ZFP90: variants seen among roughly 807,000 people sequenced by gnomAD.
The protein encoded by ZFP90 is ZFP90 zinc finger protein.
Under a neutral mutation model 60.8 loss-of-function variants are expected in ZFP90, and 38 were observed. That is an observed-to-expected ratio of 0.62 (90% CI 0.48 to 0.82). The LOEUF is 0.82. ZFP90 is among the 40% of genes least tolerant of loss of function. ZFP90 has a pLI of 0.00. For synonymous variants in ZFP90, 287 were observed against 264.8 expected (o/e 1.08, Z -0.82); for missense variants, 711 against 759.1 (o/e 0.94, Z 0.74).
At chr16:68,539,853 G>GCATCCCATCCATCTATC in intron 2 of ZFP90, 28 bp downstream of exon 2, 3 of 1,603,140 alleles carry the variant, frequency 1.9e-6, no homozygotes, top group Non-Finnish European at 2.5e-6. Context: ...AACCTCCTGG[G>GCATCCCATCCATCTATC]CATCCCATCC....
At chr16:68,568,893 G>C (rs1363071425), downstream of ZFP90, among the ~76,000 whole-genome samples, 1 of 152,148 alleles carries the variant, frequency 6.6e-6, no homozygotes, top group Non-Finnish European at 1.5e-5. Context: ...TGGCCAGGCT[G>C]GTTTCGAACT....
intron 4 of ZFP90, 29 bp from the exon 5 acceptor site, chr16:68,563,015 G>A: frequency 1.2e-6 from 2 of 1,613,062 alleles, no homozygotes; most frequent in Non-Finnish European, 1.7e-6. Flanking sequence ...GAAGGAATAG[G>A]GGACTTTTGT....
chr16:68,568,107 T>C (rs1597758327), downstream of ZFP90, among the ~76,000 whole-genome samples: 1 of 152,226 alleles, frequency 6.6e-6, no homozygotes, highest in East Asian at 1.9e-4. Flanking sequence ...GTTACCACAG[T>C]TTGTATTTGT....
Position 68,564,916 on chromosome 16 carries a change from G to A in ZFP90, c.*218G>A. 2 of 1,313,210 alleles carry A rather than the reference G, an allele frequency of 1.5e-6. No homozygotes were observed. The highest frequency in any genetic ancestry group is 1.5e-5 in the African/African-American group (1 of 66,132). The allele number at this position is 1,313,210 out of a possible 1,614,324, so 81.3% of individuals were successfully genotyped here. On this transcript the variant is annotated 3_prime_UTR_variant, in exon 5 of 5. Transcript: ENST00000563169. ...GTGTAAAAACAGCTACATGTATGTA[G>A]CTGGTTGGGGATGATATGCCTGTAT...
chr16:68,560,573 T>G (rs893451576), intron 4 of ZFP90, among the ~76,000 whole-genome samples: 2 of 135,088 alleles, frequency 1.5e-5, no homozygotes, highest in African/African-American at 5.2e-5. Context: ...TTATTTATTT[T>G]GAGACAGAAT....
intron 2 of ZFP90, among the ~76,000 whole-genome samples, chr16:68,572,410 T>C (rs1450207046): frequency 6.6e-6 from 1 of 152,194 alleles, no homozygotes; most frequent in Admixed American, 6.5e-5. Flanking sequence ...CAGGGACTTT[T>C]CTGTTGGCTT....
chr16:68,555,500 C>T (rs1300566368), intron 2 of ZFP90, among the ~76,000 whole-genome samples: 1 of 152,160 alleles, frequency 6.6e-6, no homozygotes, highest in Non-Finnish European at 1.5e-5. Context: ...ATTCAAATGT[C>T]ATCCATCTCC....
At chr16:68,550,210 T>G (rs999128733) in intron 2 of ZFP90, among the ~76,000 whole-genome samples, 8 of 152,204 alleles carry the variant, frequency 5.3e-5, no homozygotes, top group Non-Finnish European at 7.3e-5. Context: ...TAATGAGGCA[T>G]TTTACATTCT....
At chr16:68,538,025 G>A (rs1206365102), upstream of ZFP90, among the ~76,000 whole-genome samples, 3 of 152,128 alleles carry the variant, frequency 2.0e-5, no homozygotes, top group East Asian at 5.8e-4. Context: ...CGATTCTCCT[G>A]CCTCAGCTTT....
In ZFP90 at chr16:68,565,033, A is replaced by G. The variant is rs1168775184; in HGVS notation, c.*335A>G. 9 of 1,034,782 alleles carry G rather than the reference A, an allele frequency of 8.7e-6. No homozygotes were observed. Among genetic ancestry groups the G allele is most frequent in the Non-Finnish European group, 1.0e-5 (9 of 862,652 alleles). The allele number at this position is 1,034,782 out of a possible 1,614,324, so 64.1% of individuals were successfully genotyped here. On this transcript the variant is annotated 3_prime_UTR_variant, in exon 5 of 5. Coordinates refer to ENST00000563169, the MANE Select transcript of ZFP90 (RefSeq NM_001305203.2). ...CCCCAATGTCAACAGCTTTTTTAAA[A>G]AGCAAATTCCTGCAGTAATGACCAA...
At position 68,539,456 on chromosome 16, in the gene ZFP90, G is replaced by T; in HGVS notation, c.-59G>T. 1 of 374,104 alleles carries T rather than the reference G, an allele frequency of 2.7e-6. No individual in the cohort carries two copies. The highest frequency in any genetic ancestry group is 4.8e-6 in the Non-Finnish European group (1 of 208,680). The allele number at this position is 374,104 out of a possible 1,614,324, so 23.2% of individuals were successfully genotyped here. ...TGGGCCGGAGGTCGCGAAATCCGGA[G>T]CCCCCCAGAGGCGGTGATTCTGAGT... On this transcript the variant is annotated 5_prime_UTR_variant, in exon 1 of 5. Coordinates refer to ENST00000563169, the MANE Select transcript of ZFP90 (RefSeq NM_001305203.2).
At chr16:68,574,597 A>G (rs1311925439) in intron 2 of ZFP90, among the ~76,000 whole-genome samples, 1 of 152,122 alleles carries the variant, frequency 6.6e-6, no homozygotes, top group African/African-American at 2.4e-5. Flanking sequence ...TAGCACTCAA[A>G]TCTGCTTTTG....
intron 2 of ZFP90, among the ~76,000 whole-genome samples, chr16:68,551,878 C>G (rs537600935): frequency 2.6e-5 from 4 of 152,312 alleles, no homozygotes; most frequent in Admixed American, 2.6e-4. Context: ...CCTGCCTCAG[C>G]CTCCTCAGTA....
At position 68,539,306 on chromosome 16, in the gene ZFP90, C is replaced by T. The variant is rs769643437; in HGVS notation, c.-209C>T. On this transcript the variant is annotated 5_prime_UTR_variant, in exon 1 of 5. Coordinates refer to ENST00000563169, the MANE Select transcript of ZFP90 (RefSeq NM_001305203.2). ...GCGCAGGCGCACTTCCAGTTCTGCC[C>T]CACCGCTGCGGCCATTGTCCGACCC... 2.8e-4 allele frequency: 45 copies of T among 162,012 alleles called. No individual in the cohort carries two copies. The highest frequency in any genetic ancestry group is 6.0e-4 in the South Asian group (3 of 4,974). The allele number at this position is 162,012 out of a possible 1,614,324, so 10.0% of individuals were successfully genotyped here.
rs1366204446 is a variant in ZFP90, at chr16:68,565,958, C to CT, written c.*1263dup. 5 of 709,180 alleles carry CT rather than the reference C, an allele frequency of 7.1e-6. No homozygotes were observed. Among genetic ancestry groups the CT allele is most frequent in the East Asian group, 1.3e-4 (1 of 7,574 alleles). 43.9% of individuals were successfully genotyped at this position (709,180 alleles called of 1,614,324 possible). ...TGGACAACATGGTGAAACCCCATCT[C>CT]TTTAAAAAAAAAAAAAAATCCAAAA... On this transcript the variant is annotated 3_prime_UTR_variant, in exon 5 of 5. Transcript: ENST00000563169.
At chr16:68,544,032 T>C (rs527979033) in intron 2 of ZFP90, among the ~76,000 whole-genome samples, 1 of 152,226 alleles carries the variant, frequency 6.6e-6, no homozygotes, top group East Asian at 1.9e-4. Context: ...TTTTGTATTT[T>C]TACTAGAGAT....
At chr16:68,555,792 G>A (rs915548323) in intron 2 of ZFP90, among the ~76,000 whole-genome samples, 3 of 152,118 alleles carry the variant, frequency 2.0e-5, no homozygotes, top group African/African-American at 7.2e-5. Context: ...GTATGAAATG[G>A]AATTAGCTAA....
In ZFP90 at chr16:68,552,513, GGTGAAGA is replaced by G. The variant is rs564375986; in HGVS notation, c.34-5473_34-5467del. 4.1e-4 allele frequency among the ~76,000 whole-genome samples: 63 copies of G among 152,286 alleles called. No homozygotes were observed. The South Asian group carries it at 5.4e-3, about 13-fold the overall frequency. On this transcript the variant is annotated intron_variant, in intron 2 of 4. Transcript: ENST00000563169. ...AGAGGAGAGAACTTGACCAAGTCTT[GGTGAAGA>G]GTGAAGAGTGAGCCTTAGCCAAGCC...
exon 3 of ZFP90, chr16:68,576,070 C>G (rs1412886976): frequency 9.1e-6 from 3 of 329,942 alleles, no homozygotes; most frequent in African/African-American, 6.6e-5. Flanking sequence ...ATTTCATTAA[C>G]AAGAGTGATC....
Sources: allele counts gnomAD v4.1 joint callset (sites outside exome capture counted in the v4.1 genomes callset), GRCh38; gene constraint gnomAD v4.1.1; transcripts MANE v1.5; gene names NCBI Gene and HGNC (gene_info 2026-07-23, HGNC 2026-07-21).